The following KIF6 variants were observed in gnomAD, a reference collection of about 807,000 sequenced individuals.
KIF6 encodes the protein kinesin family member 6.
KIF6 carries 106 observed loss-of-function variants against 112.7 expected under a neutral mutation model. The observed-to-expected ratio is 0.94, with a 90% CI of 0.80 to 1.11. The LOEUF (loss-of-function observed/expected upper bound fraction) is 1.11. KIF6 is among the 50% of genes least tolerant of loss of function. The pLI, the probability that KIF6 is intolerant of heterozygous loss-of-function variation, is 0.00. For synonymous variants in KIF6, 339 were observed against 339.9 expected, an observed-to-expected ratio of 1.00 and a Z score of 0.03; for missense variants, 929 against 964.0, an observed-to-expected ratio of 0.96 and a Z score of 0.48.
intron 13 of KIF6, among the ~76,000 whole-genome samples, chr6:39,447,102 C>T (rs1772377498): frequency 6.6e-6 from 1 of 152,170 alleles, no homozygotes; most frequent in Non-Finnish European, 1.5e-5. Flanking sequence ...GACGGGTTAG[C>T]AATGTAGGGA....
At chr6:39,682,589 A>AT (rs919583777) in intron 3 of KIF6, among the ~76,000 whole-genome samples, 37 of 151,952 alleles carry the variant, frequency 2.4e-4, no homozygotes, top group African/African-American at 6.5e-4. Flanking sequence ...ATTTCTTTTT[A>AT]TTTTTTTTGA....
chr6:39,395,716 C>T (rs981492628), intron 15 of KIF6, among the ~76,000 whole-genome samples: 9 of 152,118 alleles, frequency 5.9e-5, no homozygotes, highest in Non-Finnish European at 5.9e-5. Context: ...ATTCAAATCT[C>T]CTCTACTCCA....
At chr6:39,551,951 C>T (rs1431243960) in intron 10 of KIF6, among the ~76,000 whole-genome samples, 5 of 152,182 alleles carry the variant, frequency 3.3e-5, no homozygotes, top group Admixed American at 2.0e-4. Flanking sequence ...TTCGACTGGA[C>T]CAACTTTATA....
At chr6:39,490,572 A>G (rs536395249) in intron 13 of KIF6, among the ~76,000 whole-genome samples, 55 of 152,316 alleles carry the variant, frequency 3.6e-4, no homozygotes, top group African/African-American at 1.2e-3. Flanking sequence ...GGAAGGGATT[A>G]TCTAGCTAGT....
At chr6:39,717,741 T>C (rs1048991554) in intron 2 of KIF6, among the ~76,000 whole-genome samples, 9 of 152,226 alleles carry the variant, frequency 5.9e-5, no homozygotes, top group African/African-American at 1.4e-4. Flanking sequence ...TAAGTATTTA[T>C]TGGTTGAATA....
chr6:39,524,856 C>G (rs779713236), intron 13 of KIF6, among the ~76,000 whole-genome samples: 2 of 152,212 alleles, frequency 1.3e-5, no homozygotes, highest in African/African-American at 2.4e-5. Context: ...CTTTGCTCCC[C>G]CAGGAATCCA....
intron 13 of KIF6, among the ~76,000 whole-genome samples, chr6:39,535,049 G>C (rs528409247): frequency 1.3e-5 from 2 of 152,256 alleles, no homozygotes; most frequent in South Asian, 2.1e-4. Context: ...CCCTAAAAGA[G>C]CTCCTGAAGG....
chr6:39,517,097 T>C (rs1326982124), intron 13 of KIF6, among the ~76,000 whole-genome samples: 1 of 152,144 alleles, frequency 6.6e-6, no homozygotes, highest in African/African-American at 2.4e-5. Context: ...TGAAATACCC[T>C]ACCCAAGTGT....
intron 3 of KIF6, among the ~76,000 whole-genome samples, chr6:39,668,744 T>C (rs920886623): frequency 6.6e-5 from 10 of 152,048 alleles, no homozygotes; most frequent in African/African-American, 2.4e-4. Flanking sequence ...ATCCCCCAAA[T>C]AAGAAACGCA....
At chr6:39,631,518 C>T (rs553928966) in intron 5 of KIF6, among the ~76,000 whole-genome samples, 2 of 152,094 alleles carry the variant, frequency 1.3e-5, no homozygotes, top group Non-Finnish European at 2.9e-5. Flanking sequence ...TTCTGAGCTT[C>T]GTATAATTTT....
chr6:39,551,853 T>TAA (rs565407312), intron 10 of KIF6, among the ~76,000 whole-genome samples: 32 of 152,334 alleles, frequency 2.1e-4, no homozygotes, highest in Admixed American at 5.9e-4. Context: ...ATGTGTAGAA[T>TAA]AATACCATCT....
chr6:39,690,635 C>T (rs303652), intron 3 of KIF6: 146,509 of 152,802 alleles, frequency 0.96, 70,485 homozygotes, highest in East Asian at 1. Context: ...GATCCCCCTG[C>T]GGAAGAAGAA....
At chr6:39,605,494 GA>G (rs1393822464) in intron 6 of KIF6, among the ~76,000 whole-genome samples, 6 of 151,906 alleles carry the variant, frequency 3.9e-5, no homozygotes, top group Non-Finnish European at 8.8e-5. Context: ...TAGACAAGCT[GA>G]AATTACCTTT....
chr6:39,355,461 T>TAG lies in KIF6; in HGVS notation c.2180+1815_2180+1816insCT, dbSNP rs1193344004. Among the ~76,000 whole-genome samples, 5 of 50,738 alleles carry TAG rather than the reference T, an allele frequency of 9.9e-5. 1 individual carries two copies. The highest frequency in any genetic ancestry group is 4.7e-4 in the African/African-American group (5 of 10,536). The allele number at this position is 50,738 out of a possible 152,430, so 33.3% of individuals were successfully genotyped here. The stretch of plus-strand genomic sequence containing the variant: ...CTGGCCTTTTAATTTTAAGAAGTCT[T>TAG]TTTTTTTTTTTTTTTTTTTTGAGGC... On this transcript the variant is annotated intron_variant, in intron 19 of 22. Coordinates refer to ENST00000287152, the MANE Select transcript of KIF6 (RefSeq NM_145027.6).
chr6:39,664,689 T>A (rs1007650614), intron 3 of KIF6, among the ~76,000 whole-genome samples: 4 of 152,048 alleles, frequency 2.6e-5, no homozygotes, highest in Admixed American at 1.3e-4. Context: ...GTTGTGAGAG[T>A]AAGAAGTTAG....
intron 13 of KIF6, among the ~76,000 whole-genome samples, chr6:39,438,509 A>C (rs1459561630): frequency 2.0e-5 from 3 of 152,232 alleles, no homozygotes; most frequent in African/African-American, 7.2e-5. Context: ...TTAACAAAAA[A>C]GTCTAAAAGC....
chr6:39,474,598 C>G (rs1424454503), intron 13 of KIF6, among the ~76,000 whole-genome samples: 1 of 152,154 alleles, frequency 6.6e-6, no homozygotes, highest in Non-Finnish European at 1.5e-5. Flanking sequence ...AATAAGTGAT[C>G]ACAAAAAAAC....
chr6:39,548,889 T>C (rs1208505647), intron 10 of KIF6, among the ~76,000 whole-genome samples: 2 of 152,000 alleles, frequency 1.3e-5, no homozygotes, highest in African/African-American at 4.8e-5. Flanking sequence ...ATTCTCTACT[T>C]ACACTAGAAG....
intron 22 of KIF6, among the ~76,000 whole-genome samples, chr6:39,338,922 C>T (rs1763168985): frequency 7.1e-6 from 1 of 140,152 alleles, no homozygotes; most frequent in Non-Finnish European, 1.5e-5. Flanking sequence ...GAGCCCCTCA[C>T]ACACTTGCAT....
Sources: allele counts gnomAD v4.1 joint callset (sites outside exome capture counted in the v4.1 genomes callset), GRCh38; gene constraint gnomAD v4.1.1; transcripts MANE v1.5; gene names NCBI Gene and HGNC (gene_info 2026-07-23, HGNC 2026-07-21).